The following LRP1B variants were observed in gnomAD, a reference collection of about 807,000 sequenced individuals.
LRP1B encodes low-density lipoprotein receptor-related protein 1B.
A neutral mutation model predicts 556.6 loss-of-function variants in LRP1B; 217 were observed. The ratio of observed to expected loss-of-function variants is 0.39; its 90% confidence interval spans 0.35 to 0.44. LRP1B has a LOEUF of 0.44. LRP1B is among the 20% of genes least tolerant of loss of function. LRP1B has a pLI of 1.00. For missense variants in LRP1B, 5,053 were observed against 5,620.8 expected, an observed-to-expected ratio of 0.90 and a Z score of 3.23; for synonymous variants, 2,047 against 1,865.8, an observed-to-expected ratio of 1.10 and a Z score of -2.50.
chr2:141,807,111 CA>C (rs1696190051), intron 2 of LRP1B, among the ~76,000 whole-genome samples: 2 of 152,012 alleles, frequency 1.3e-5, no homozygotes, highest in South Asian at 4.1e-4. Context: ...TGTATACATT[CA>C]TATAAAATTA....
intron 3 of LRP1B, among the ~76,000 whole-genome samples, chr2:141,295,579 C>T (rs1321596991): frequency 6.6e-6 from 1 of 152,154 alleles, no homozygotes; most frequent in African/African-American, 2.4e-5. Flanking sequence ...TGATCACTAA[C>T]TCTACCTTGA....
intron 1 of LRP1B, among the ~76,000 whole-genome samples, chr2:142,056,240 T>A (rs760255393): frequency 6.6e-6 from 1 of 152,184 alleles, no homozygotes; most frequent in African/African-American, 2.4e-5. Context: ...TTGGACTTGC[T>A]GTTTTTGTTG....
chr2:141,982,979 T>G (rs1379254323), intron 1 of LRP1B, among the ~76,000 whole-genome samples: 2 of 152,144 alleles, frequency 1.3e-5, no homozygotes, highest in Non-Finnish European at 2.9e-5. Context: ...TTCATTCACA[T>G]TTAAGAAAAA....
At chr2:141,670,177 T>C (rs1690609928) in intron 2 of LRP1B, among the ~76,000 whole-genome samples, 1 of 152,190 alleles carries the variant, frequency 6.6e-6, no homozygotes, top group Non-Finnish European at 1.5e-5. Context: ...TTAGGCTTTG[T>C]GTTTTTTATA....
intron 1 of LRP1B, among the ~76,000 whole-genome samples, chr2:141,897,455 C>T (rs546691369): frequency 6.6e-6 from 1 of 152,126 alleles, no homozygotes; most frequent in East Asian, 1.9e-4. Context: ...CCACATGAGA[C>T]AGTCAGAATA....
chr2:141,547,789 T>G (rs890724305), intron 2 of LRP1B, among the ~76,000 whole-genome samples: 8 of 152,198 alleles, frequency 5.3e-5, no homozygotes, highest in Non-Finnish European at 1.2e-4. Context: ...TAATTAATCC[T>G]GAATCAATTA....
At position 140,877,743 on chromosome 2, in the gene LRP1B, C is replaced by T. The variant is rs989724489; in HGVS notation, c.4169+6074G>A. ...ATTTCAAATCTTCCCACCTTTGCTT[C>T]GAGTTGTCCCACCAATGTTCATCTT... On this transcript the variant is annotated intron_variant, in intron 25 of 90. Transcript: ENST00000389484. 5.3e-5 allele frequency among the ~76,000 whole-genome samples: 8 copies of T among 152,252 alleles called. No individual in the cohort carries two copies. In the South Asian group the frequency reaches 1.0e-3, roughly 20 times the overall value.
At chr2:141,738,356 T>C (rs538761632) in intron 2 of LRP1B, among the ~76,000 whole-genome samples, 1 of 152,254 alleles carries the variant, frequency 6.6e-6, no homozygotes, top group East Asian at 1.9e-4. Context: ...GAAAACTTAT[T>C]TGTAAGACAC....
At chr2:140,425,073 T>G (rs1685599327) in intron 66 of LRP1B, among the ~76,000 whole-genome samples, 1 of 151,952 alleles carries the variant, frequency 6.6e-6, no homozygotes, top group Non-Finnish European at 1.5e-5. Flanking sequence ...TATCACTGAC[T>G]ATGTTTAGAA....
intron 1 of LRP1B, among the ~76,000 whole-genome samples, chr2:141,818,735 A>C (rs1696650892): frequency 6.7e-6 from 1 of 150,370 alleles, no homozygotes; most frequent in Non-Finnish European, 1.5e-5. Context: ...ACGGGGTTTC[A>C]CCGTGTTAGC....
chr2:141,246,026 T>G (rs1482089008), intron 5 of LRP1B, among the ~76,000 whole-genome samples: 1 of 152,222 alleles, frequency 6.6e-6, no homozygotes, highest in Non-Finnish European at 1.5e-5. Context: ...ATAATGCTTA[T>G]ATTATTCTGG....
chr2:140,842,477 C>T (rs971602225), intron 29 of LRP1B, among the ~76,000 whole-genome samples: 1 of 152,180 alleles, frequency 6.6e-6, no homozygotes, highest in African/African-American at 2.4e-5. Flanking sequence ...AATCAAGAAC[C>T]CTCTCACTCT....
intron 2 of LRP1B, among the ~76,000 whole-genome samples, chr2:141,705,788 C>A (rs985213691): frequency 1.3e-5 from 2 of 151,916 alleles, no homozygotes; most frequent in African/African-American, 4.8e-5. Flanking sequence ...AAATGCAGGT[C>A]TATTTAACTC....
At chr2:140,913,417 A>T (rs1351448501) in intron 21 of LRP1B, among the ~76,000 whole-genome samples, 1 of 152,012 alleles carries the variant, frequency 6.6e-6, no homozygotes, top group East Asian at 1.9e-4. Flanking sequence ...GATTGGAAGG[A>T]TGAGAAACAA....
Position 141,648,348 on chromosome 2 carries a change from C to A in LRP1B, c.205+161931G>T, listed in dbSNP as rs539533558. On this transcript the variant is annotated intron_variant, in intron 2 of 90. Coordinates refer to ENST00000389484, the MANE Select transcript of LRP1B (RefSeq NM_018557.3). Reference sequence around the variant, plus strand: ...AATTATTGCCTTATTGGTTTTATAGCACTATCTATAGTAATCCTTCATTCC... The same window carrying A: ...AATTATTGCCTTATTGGTTTTATAGAACTATCTATAGTAATCCTTCATTCC... Among the ~76,000 whole-genome samples, 5 of 152,224 alleles carry A rather than the reference C, an allele frequency of 3.3e-5. No individual in the cohort carries two copies. In the South Asian group the frequency reaches 1.0e-3, roughly 32 times the overall value.
chr2:141,329,643 C>CAAA lies in LRP1B; in HGVS notation c.344-75005_344-75003dup, dbSNP rs71391650. ...TGGGTGACAGAGCGAGACTCTGTCT[C>CAAA]AAAAAAAAAAAAAAAAAAAAAACTA... On this transcript the variant is annotated intron_variant, in intron 3 of 90. Transcript: ENST00000389484. Among the ~76,000 whole-genome samples, 7 of 28,944 alleles carry CAAA rather than the reference C, an allele frequency of 2.4e-4. 1 individual carries two copies. The highest frequency in any genetic ancestry group is 3.7e-4 in the African/African-American group (2 of 5,346). 19.0% of individuals were successfully genotyped at this position (28,944 alleles called of 152,430 possible). A position where few individuals can be genotyped will look rare whatever the true frequency, so the allele number is the denominator to read the frequency against.
chr2:140,331,316 C>T (rs1680800311), intron 79 of LRP1B, among the ~76,000 whole-genome samples: 1 of 152,076 alleles, frequency 6.6e-6, no homozygotes, highest in South Asian at 2.1e-4. Flanking sequence ...CAAAATATTT[C>T]ATGTTCCTGC....
intron 1 of LRP1B, among the ~76,000 whole-genome samples, chr2:141,994,228 G>A (rs780386356): frequency 1.3e-5 from 2 of 152,140 alleles, no homozygotes; most frequent in Non-Finnish European, 2.9e-5. Flanking sequence ...CCTCCAGGTA[G>A]TTGAGCTGTT....
At chr2:141,928,228 T>G (rs779265544) in intron 1 of LRP1B, among the ~76,000 whole-genome samples, 25 of 152,202 alleles carry the variant, frequency 1.6e-4, no homozygotes, top group African/African-American at 5.8e-4. Context: ...ATTTAAAGGA[T>G]TTCATATGCA....
Sources: allele counts gnomAD v4.1 joint callset (sites outside exome capture counted in the v4.1 genomes callset), GRCh38; gene constraint gnomAD v4.1.1; transcripts MANE v1.5; gene names NCBI Gene and HGNC (gene_info 2026-07-23, HGNC 2026-07-21).